Variants in COL15A1 observed in about 807,000 individuals in gnomAD.
COL15A1 encodes the protein collagen type XV alpha 1 chain.
In COL15A1, 111 loss-of-function variants were observed where a neutral mutation model predicts 165.9. The observed-to-expected ratio is 0.67, with a 90% CI of 0.57 to 0.78. COL15A1 has a LOEUF of 0.78. COL15A1 is among the 30% of genes least tolerant of loss of function. COL15A1 has a pLI of 0.00. For missense variants in COL15A1, 1,745 were observed against 1,789.7 expected, an observed-to-expected ratio of 0.98 and a Z score of 0.45; for synonymous variants, 659 against 674.8, an observed-to-expected ratio of 0.98 and a Z score of 0.36.
At position 99,024,268 on chromosome 9, in the gene COL15A1, G is replaced by GTTT. The variant is rs201734908; in HGVS notation, c.1855-600_1855-598dup. Among the ~76,000 whole-genome samples, 586 of 131,340 alleles carry GTTT rather than the reference G, an allele frequency of 4.5e-3. 48 individuals are homozygous for GTTT. Among genetic ancestry groups the GTTT allele is most frequent in the African/African-American group, 0.013 (432 of 32,212 alleles). 86.2% of individuals were successfully genotyped at this position (131,340 alleles called of 152,430 possible). Reference sequence around the variant, plus strand: ...TAAAAACAAGGCTACACCACAAGCAGTTTTTTTTGTTTTTTTGTTTTTTTT... The same window carrying GTTT: ...TAAAAACAAGGCTACACCACAAGCAGTTTTTTTTTTTGTTTTTTTGTTTTTTTT... On this transcript the variant is annotated intron_variant, in intron 14 of 41. Coordinates refer to ENST00000375001, the MANE Select transcript of COL15A1 (RefSeq NM_001855.5).
intron 9 of COL15A1, among the ~76,000 whole-genome samples, chr9:99,010,578 C>A (rs1282684405): frequency 1.3e-5 from 2 of 152,134 alleles, no homozygotes; most frequent in African/African-American, 4.8e-5. Flanking sequence ...TAGATAACCT[C>A]GGCACCCGGG....
At chr9:99,053,223 C>T (rs1839620137) in intron 31 of COL15A1, among the ~76,000 whole-genome samples, 1 of 152,210 alleles carries the variant, frequency 6.6e-6, no homozygotes, top group African/African-American at 2.4e-5. Context: ...AGGTCTTTTT[C>T]CTCCAATATT....
At chr9:98,989,065 C>CACACA in intron 4 of COL15A1, 113 bp from the exon 5 acceptor site, 2 of 739,414 alleles carry the variant, frequency 2.7e-6, no homozygotes. Context: ...CACACACACA[C>CACACA]GGTTTCCCTG....
intron 9 of COL15A1, among the ~76,000 whole-genome samples, chr9:99,007,882 G>A (rs1838790085): frequency 6.6e-6 from 1 of 152,158 alleles, no homozygotes; most frequent in African/African-American, 2.4e-5. Flanking sequence ...ACAAATTTTA[G>A]AATTCAGTCC....
Position 99,034,531 on chromosome 9 carries a change from T to C in COL15A1, c.2044-18T>C. 6.3e-7 allele frequency: 1 copy of C among 1,586,402 alleles called. No individual in the cohort carries two copies. The highest frequency in any genetic ancestry group is 8.5e-7 in the Non-Finnish European group (1 of 1,172,012). Reference sequence around the variant, plus strand: ...ATATGCATTAATTGGTCCATGTTTTTGTTTTTGTTTTTTTCAGGGAGCAAG... The same window carrying C: ...ATATGCATTAATTGGTCCATGTTTTCGTTTTTGTTTTTTTCAGGGAGCAAG... On this transcript the variant is annotated intron_variant, in intron 16 of 41. Transcript: ENST00000375001.
intron 3 of COL15A1, 185 bp downstream of exon 3, chr9:98,986,297 C>T: frequency 1.7e-6 from 1 of 581,506 alleles, no homozygotes; most frequent in South Asian, 2.2e-5. Context: ...CAGTTTTCAA[C>T]TTACCTTGTA....
intron 13 of COL15A1, 149 bp from the exon 14 acceptor site, chr9:99,023,208 G>A: frequency 2.0e-6 from 2 of 997,402 alleles, no homozygotes; most frequent in Non-Finnish European, 2.8e-6. Flanking sequence ...AGGGGAGTGG[G>A]AGAAAAGTCA....
intron 30 of COL15A1, among the ~76,000 whole-genome samples, chr9:99,051,254 T>A (rs886373611): frequency 3.3e-5 from 5 of 152,146 alleles, no homozygotes; most frequent in Admixed American, 1.3e-4. Context: ...GCGGTAAAAA[T>A]GCTACTGCAA....
At chr9:98,948,691 C>T (rs1043158730) in intron 2 of COL15A1, among the ~76,000 whole-genome samples, 1 of 151,472 alleles carries the variant, frequency 6.6e-6, no homozygotes, top group South Asian at 2.1e-4. Context: ...TGGAGGACAA[C>T]ACCAATCCTT....
At position 98,986,264 on chromosome 9, in the gene COL15A1, C is replaced by T. The variant is rs116393661; in HGVS notation, c.648+152C>T. 2.0e-3 allele frequency: 1,334 copies of T among 653,872 alleles called. 11 individuals are homozygous for T. The African/African-American group carries it at 0.023, about 11-fold the overall frequency. The allele number at this position is 653,872 out of a possible 1,614,324, so 40.5% of individuals were successfully genotyped here. ...TGGGAAATAACACTAGGCCTGGAAC[C>T]CCAAAACCTAGATTTCCATCCTCAG... On this transcript the variant is annotated intron_variant, in intron 3 of 41. Transcript: ENST00000375001.
At chr9:99,060,771 C>T (rs193131056) in intron 36 of COL15A1, among the ~76,000 whole-genome samples, 2 of 152,128 alleles carry the variant, frequency 1.3e-5, no homozygotes, top group East Asian at 3.9e-4. Flanking sequence ...TCTGTAGTCC[C>T]AGCTACTTGA....
chr9:98,998,970 A>C (rs1222191228), intron 6 of COL15A1, among the ~76,000 whole-genome samples: 5 of 152,198 alleles, frequency 3.3e-5, no homozygotes, highest in Non-Finnish European at 5.9e-5. Context: ...TGACCCGTGG[A>C]AGGGGCCACC....
Position 99,042,045 on chromosome 9 carries a change from G to A in COL15A1, c.2512G>A (p.Gly838Ser). The A allele has an allele frequency of 6.2e-7, 1 of 1,602,972 alleles. No individual in the cohort carries two copies. Among genetic ancestry groups the A allele is most frequent in the Non-Finnish European group, 8.5e-7 (1 of 1,171,464 alleles). Residue 838 changes from glycine (G) to serine (S), a missense_variant and splice_region_variant, in exon 24 of 42, where the codon GGT (glycine) becomes AGT (serine). Transcript: ENST00000375001. ...AATACTATATAACAATTCCTTCCAGGGTCCTAGAGGACCAAAAGGTGACAC... is the reference window on the plus strand; with the variant it reads ...AATACTATATAACAATTCCTTCCAGAGTCCTAGAGGACCAAAAGGTGACAC... ...DGLPGLPGFP[G>S]PRGPKGDTGL...
intron 12 of COL15A1, 140 bp from the exon 13 acceptor site, chr9:99,021,951 A>T: frequency 8.7e-7 from 1 of 1,147,718 alleles, no homozygotes; most frequent in Non-Finnish European, 1.3e-6. Flanking sequence ...GCATTCCCTT[A>T]AGCTGTCTCT....
At chr9:98,977,452 A>G (rs1276527741) in intron 2 of COL15A1, among the ~76,000 whole-genome samples, 4 of 152,234 alleles carry the variant, frequency 2.6e-5, no homozygotes, top group African/African-American at 9.6e-5. Context: ...GCTGGAGGCC[A>G]AAGGGAAATG....
At chr9:98,989,992 C>T (rs1838389320) in intron 5 of COL15A1, among the ~76,000 whole-genome samples, 1 of 152,186 alleles carries the variant, frequency 6.6e-6, no homozygotes, top group Admixed American at 6.5e-5. Context: ...GAGCTTCAGC[C>T]GTCTCCTTGC....
chr9:98,968,044 C>T (rs552124425), intron 2 of COL15A1, among the ~76,000 whole-genome samples: 14 of 152,314 alleles, frequency 9.2e-5, no homozygotes, highest in African/African-American at 2.9e-4. Flanking sequence ...GATAAGCAGA[C>T]GGGCTATGGA....
At chr9:99,003,328 C>T (rs1233523997) in intron 7 of COL15A1, 125 bp from the exon 8 acceptor site, 3 of 705,124 alleles carry the variant, frequency 4.3e-6, no homozygotes, top group African/African-American at 3.7e-5. Context: ...ATGTGAAAGT[C>T]CTTGAGAGAA....
chr9:98,995,897 G>A (rs1367766466), intron 5 of COL15A1, among the ~76,000 whole-genome samples: 5 of 152,126 alleles, frequency 3.3e-5, no homozygotes, highest in East Asian at 3.9e-4. Context: ...CATTTTTACA[G>A]AGGAGGAAGC....
Sources: allele counts gnomAD v4.1 joint callset (sites outside exome capture counted in the v4.1 genomes callset), GRCh38; gene constraint gnomAD v4.1.1; transcripts MANE v1.5; gene names NCBI Gene and HGNC (gene_info 2026-07-23, HGNC 2026-07-21).